PRSS38: variants seen among roughly 807,000 people sequenced by gnomAD.
PRSS38 encodes marapsin 2.
Under a neutral mutation model 26.8 loss-of-function variants are expected in PRSS38, and 22 were observed. That is an observed-to-expected ratio of 0.82 (90% confidence interval 0.59 to 1.17). The LOEUF (loss-of-function observed/expected upper bound fraction) is 1.17, where lower values mean the gene tolerates loss of function less well. Among genes scored for constraint, PRSS38 ranks in the 50% most tolerant of loss-of-function variants. PRSS38 has a pLI of 0.00. For synonymous variants in PRSS38, 175 were observed against 172.1 expected (o/e 1.02, Z -0.13); for missense variants, 427 against 422.7 (o/e 1.01, Z -0.09).
chr1:227,829,122 C>T (rs1042831831), intron 3 of PRSS38, among the ~76,000 whole-genome samples: 6 of 152,140 alleles, frequency 3.9e-5, no homozygotes, highest in African/African-American at 1.4e-4. Context: ...TCAGTCCCAG[C>T]GCGAGAACCT....
exon 5 of PRSS38, chr1:227,846,248 C>T (rs1665429631): frequency 6.3e-7 from 1 of 1,594,938 alleles, no homozygotes; most frequent in Non-Finnish European, 8.5e-7. Flanking sequence ...GGCTGCACAC[C>T]CTGCCCCAGC....
intron 3 of PRSS38, among the ~76,000 whole-genome samples, chr1:227,833,527 C>A (rs1665192519): frequency 6.7e-6 from 1 of 148,638 alleles, no homozygotes. Context: ...GACTCCATCT[C>A]AAAAAAAAAA....
exon 4 of PRSS38, chr1:227,845,528 C>T: frequency 6.2e-7 from 1 of 1,613,364 alleles, no homozygotes; most frequent in Non-Finnish European, 8.5e-7. Flanking sequence ...AGCCCTGGTG[C>T]CACCTGCTCT....
At chr1:227,820,766 A>AT (rs1664992256) in intron 3 of PRSS38, among the ~76,000 whole-genome samples, 2 of 151,970 alleles carry the variant, frequency 1.3e-5, no homozygotes, top group East Asian at 1.9e-4. Context: ...TTCCTCTTCT[A>AT]TTTTTTTGGT....
chr1:227,845,789 C>A (rs552376774), intron 4 of PRSS38, among the ~76,000 whole-genome samples, 165 bp from the exon 5 acceptor site: 49 of 152,318 alleles, frequency 3.2e-4, no homozygotes, highest in African/African-American at 1.1e-3. Flanking sequence ...GCCTCCCCTG[C>A]AACTCTGGGC....
At chr1:227,839,641 C>T (rs541640546) in intron 3 of PRSS38, among the ~76,000 whole-genome samples, 1 of 152,346 alleles carries the variant, frequency 6.6e-6, no homozygotes, top group East Asian at 1.9e-4. Context: ...CATCTTGTGG[C>T]TCAGACTGGC....
Position 227,846,169 on chromosome 1 carries a change from C to T in PRSS38, c.942C>T (p.Ser314=), listed in dbSNP as rs771925586. ...CTCCAGCTCTGGGGCCCACTCTCAGCGTCCTAATGGCCATGCTGGCTGGCT... is the reference window on the plus strand; with the variant it reads ...CTCCAGCTCTGGGGCCCACTCTCAGTGTCCTAATGGCCATGCTGGCTGGCT... Residue 314 remains serine, a synonymous_variant, in exon 5 of 5, where the codon AGC becomes AGT. Transcript: ENST00000366757. 33 of 1,612,856 alleles carry T rather than the reference C, an allele frequency of 2.0e-5. 2 individuals are homozygous for T. In the South Asian group the frequency reaches 3.0e-4, roughly 14 times the overall value.
chr1:227,824,645 A>G (rs766861069), intron 3 of PRSS38, among the ~76,000 whole-genome samples: 4 of 152,076 alleles, frequency 2.6e-5, no homozygotes, highest in Non-Finnish European at 4.4e-5. Flanking sequence ...GACTCGCCAC[A>G]CTGTCTTCTG....
intron 3 of PRSS38, 49 bp downstream of exon 3, chr1:227,817,529 C>T: frequency 6.3e-7 from 1 of 1,587,974 alleles, no homozygotes. Flanking sequence ...GCTTCTCTTC[C>T]ACCACAGGGA....
rs1320690089 is a variant in PRSS38 at position 227,817,419 on chromosome 1, A to G, written c.522A>G (p.Pro174=). Reference sequence around the variant, plus strand: ...TGCTCCCGGTTTGCCTTGCAACTCCAGAAGTGAACCTTACCAGTGCCAATT... The same window carrying G: ...TGCTCCCGGTTTGCCTTGCAACTCCGGAAGTGAACCTTACCAGTGCCAATT... Residue 174 remains proline (P), a synonymous_variant, in exon 3 of 5, where the codon CCA becomes CCG. Coordinates refer to ENST00000366757, the Ensembl canonical transcript of PRSS38. The G allele has an allele frequency of 1.9e-6, 3 of 1,614,068 alleles. No individual in the cohort carries two copies. In the African/African-American group the frequency reaches 4.0e-5, roughly 22 times the overall value.
At chr1:227,823,675 A>G (rs1333454198) in intron 3 of PRSS38, among the ~76,000 whole-genome samples, 1 of 152,172 alleles carries the variant, frequency 6.6e-6, no homozygotes, top group African/African-American at 2.4e-5. Context: ...CATCTCTCTT[A>G]CTTCCTCTTG....
chr1:227,846,374 G>T, exon 5 of PRSS38: 1 of 852,266 alleles, frequency 1.2e-6, no homozygotes, highest in Non-Finnish European at 1.8e-6. Context: ...GTGTACAAAA[G>T]AAAAAAGGGA....
intron 3 of PRSS38, among the ~76,000 whole-genome samples, chr1:227,833,437 G>A (rs951124203): frequency 6.6e-6 from 1 of 151,908 alleles, no homozygotes; most frequent in African/African-American, 2.4e-5. Context: ...TGAGGCGGGA[G>A]AATCACTTGA....
chr1:227,846,000 T>TTC lies in PRSS38; in HGVS notation c.773_774insTC (p.Leu258PhefsTer7), dbSNP rs536597479. The TTC allele has an allele frequency of 2.8e-5, 46 of 1,614,192 alleles. No individual in the cohort carries two copies. The African/African-American group carries it at 5.2e-4, about 18-fold the overall frequency. On this transcript the variant is annotated frameshift_variant, in exon 5 of 5. Transcript: ENST00000366757. LOFTEE classifies it low-confidence loss of function (END_TRUNC). The stretch of plus-strand genomic sequence containing the variant: ...GTCTGTGAATTCAACCGCAGCTGGT[T>TTC]GCAGATTGGAATTGTGAGCTGGGGC...
chr1:227,841,156 C>T (rs1665332167), intron 3 of PRSS38, among the ~76,000 whole-genome samples: 1 of 152,242 alleles, frequency 6.6e-6, no homozygotes, highest in Admixed American at 6.5e-5. Flanking sequence ...GTGGGTTCTT[C>T]TGGTTTGGCT....
chr1:227,820,232 G>A (rs1664984535), intron 3 of PRSS38, among the ~76,000 whole-genome samples: 1 of 151,056 alleles, frequency 6.6e-6, no homozygotes, highest in Non-Finnish European at 1.5e-5. Context: ...TCTATGTATA[G>A]GATCATGTCA....
chr1:227,845,678 C>T (rs1665418559), intron 4 of PRSS38, 66 bp downstream of exon 4: 10 of 1,543,712 alleles, frequency 6.5e-6, no homozygotes, highest in Non-Finnish European at 8.8e-6. Flanking sequence ...CCCACAGGAC[C>T]CCACTCTGGC....
chr1:227,830,698 T>G (rs1292730306), intron 3 of PRSS38, among the ~76,000 whole-genome samples: 1 of 151,698 alleles, frequency 6.6e-6, no homozygotes. Flanking sequence ...AGGGACAGGG[T>G]TTCACCATGT....
chr1:227,824,201 C>G (rs1370426902), intron 3 of PRSS38, among the ~76,000 whole-genome samples: 1 of 152,030 alleles, frequency 6.6e-6, no homozygotes, highest in Non-Finnish European at 1.5e-5. Context: ...ATTAGCTGTT[C>G]TTCCTAATGC....
Sources: gnomAD v4.1 joint callset for allele counts (sites outside exome capture counted in the v4.1 genomes callset) on GRCh38, gnomAD v4.1.1 for gene constraint, MANE v1.5 for transcripts, NCBI Gene and HGNC (gene_info 2026-07-23, HGNC 2026-07-21) for gene names.